AGBL1: variants seen among roughly 807,000 people sequenced by gnomAD.
AGBL1 encodes the protein cytosolic carboxypeptidase 4.
A neutral mutation model predicts 118.9 loss-of-function variants in AGBL1; 130 were observed. The ratio of observed to expected loss-of-function variants is 1.09; its 90% confidence interval spans 0.95 to 1.26. The LOEUF is 1.26. Among genes scored for constraint, AGBL1 ranks in the 50% most tolerant of loss-of-function variants. AGBL1 has a pLI of 0.00. For missense variants in AGBL1, 1,584 were observed against 1,298.1 expected (o/e 1.22, Z -3.38); for synonymous variants, 555 against 478.9 (o/e 1.16, Z -2.08).
intron 5 of AGBL1, among the ~76,000 whole-genome samples, chr15:86,200,285 G>A (rs2141853378): frequency 6.6e-6 from 1 of 152,242 alleles, no homozygotes; most frequent in East Asian, 1.9e-4. Flanking sequence ...TTAAATTGAT[G>A]GATCAGAGAC....
intron 23 of AGBL1, among the ~76,000 whole-genome samples, chr15:86,922,420 A>G (rs1325497797): frequency 6.6e-6 from 1 of 152,168 alleles, no homozygotes; most frequent in African/African-American, 2.4e-5. Context: ...CCTCCCAAGT[A>G]GGTGGGATTA....
intron 18 of AGBL1, among the ~76,000 whole-genome samples, chr15:86,465,951 T>C (rs938607931): frequency 6.6e-6 from 1 of 152,182 alleles, no homozygotes; most frequent in African/African-American, 2.4e-5. Flanking sequence ...CTTTTGAAAA[T>C]TGCTAATAAA....
intron 22 of AGBL1, among the ~76,000 whole-genome samples, chr15:86,859,599 T>C (rs1017977351): frequency 2.0e-5 from 3 of 152,202 alleles, no homozygotes; most frequent in African/African-American, 7.2e-5. Flanking sequence ...GGCATTCTGC[T>C]ATCTGGACAA....
At chr15:86,176,427 G>A (rs2077482588) in intron 5 of AGBL1, among the ~76,000 whole-genome samples, 1 of 152,074 alleles carries the variant, frequency 6.6e-6, no homozygotes, top group Non-Finnish European at 1.5e-5. Flanking sequence ...GCTGTCAGTG[G>A]CAGCAGCCCC....
chr15:86,618,203 G>C (rs970548778), intron 21 of AGBL1, among the ~76,000 whole-genome samples: 12 of 152,090 alleles, frequency 7.9e-5, no homozygotes, highest in African/African-American at 2.9e-4. Context: ...TAAAGAAACA[G>C]GAGGCAAAAA....
rs571444360 is a variant in AGBL1, at chr15:86,662,480, A to T, written c.2995-11793A>T. Among the ~76,000 whole-genome samples the T allele has an allele frequency of 6.6e-5, 10 of 152,340 alleles. 1 individual carries two copies. In the South Asian group the frequency reaches 2.1e-3, roughly 32 times the overall value. On this transcript the variant is annotated intron_variant, in intron 21 of 22. Coordinates refer to ENST00000614907, the MANE Select transcript of AGBL1 (RefSeq NM_001386094.1). ...GGATTTAGATCCCAGAGAGCTGACT[A>T]CCAAAATACTCCCTTTATGCTACTT...
rs151159656 is a variant in AGBL1 at position 86,627,920 on chromosome 15, C to T, written c.2995-46353C>T. On this transcript the variant is annotated intron_variant, in intron 21 of 22. Coordinates refer to ENST00000614907, the MANE Select transcript of AGBL1 (RefSeq NM_001386094.1). The stretch of plus-strand genomic sequence containing the variant: ...TGTGTATTTGTAGCCTCCAACACAG[C>T]GTCCTGCCCATCAAAGGCGCTCAAT... Among the ~76,000 whole-genome samples the T allele has an allele frequency of 1.7e-3, 260 of 152,276 alleles. 4 individuals are homozygous for T. In the East Asian group the frequency reaches 0.02, roughly 12 times the overall value.
intron 18 of AGBL1, among the ~76,000 whole-genome samples, chr15:86,493,123 G>A (rs889510248): frequency 6.6e-6 from 1 of 152,144 alleles, no homozygotes; most frequent in Admixed American, 6.5e-5. Context: ...GAACCTGGAA[G>A]GGGGAGGTTG....
At chr15:86,946,889 A>G (rs1213078921) in intron 23 of AGBL1, among the ~76,000 whole-genome samples, 1 of 151,322 alleles carries the variant, frequency 6.6e-6, no homozygotes, top group Admixed American at 6.6e-5. Context: ...AAAAAGAAAT[A>G]CTACAGGGAG....
intron 1 of AGBL1, among the ~76,000 whole-genome samples, chr15:86,094,054 T>C (rs1471113424): frequency 2.0e-5 from 3 of 152,052 alleles, no homozygotes; most frequent in Non-Finnish European, 4.4e-5. Context: ...TGTTATACTC[T>C]TTAAAATAAT....
At chr15:86,827,434 T>TAC (rs1567194766) in intron 22 of AGBL1, among the ~76,000 whole-genome samples, 2 of 10,086 alleles carry the variant, frequency 2.0e-4, no homozygotes, top group African/African-American at 1.2e-3. Flanking sequence ...TATATACACA[T>TAC]ATATATATGT....
intron 18 of AGBL1, among the ~76,000 whole-genome samples, chr15:86,430,721 G>A (rs1473690839): frequency 6.6e-6 from 1 of 152,144 alleles, no homozygotes; most frequent in Non-Finnish European, 1.5e-5. Context: ...ACTTTGCTCT[G>A]AACAGTCCAC....
At chr15:86,994,909 C>G (rs926194720) in intron 24 of AGBL1, among the ~76,000 whole-genome samples, 11 of 152,098 alleles carry the variant, frequency 7.2e-5, no homozygotes, top group Non-Finnish European at 1.5e-4. Context: ...TTGACCCATA[C>G]AGTAAAATAT....
chr15:86,140,495 A>G (rs1299336467), intron 1 of AGBL1, among the ~76,000 whole-genome samples: 4 of 152,184 alleles, frequency 2.6e-5, no homozygotes, highest in African/African-American at 9.7e-5. Context: ...CCCTTGTGCC[A>G]GGTGCTGGAA....
chr15:87,028,806 A>G, intron 24 of AGBL1: 1 of 1,602,770 alleles, frequency 6.2e-7, no homozygotes, highest in Non-Finnish European at 8.5e-7. Context: ...TAATTAATAT[A>G]TTTCTTATTC....
intron 4 of AGBL1, 117 bp downstream of exon 4, chr15:86,154,678 C>G: frequency 8.0e-7 from 1 of 1,248,600 alleles, no homozygotes; most frequent in Non-Finnish European, 1.1e-6. Context: ...ACATGGTGGT[C>G]CCAGCCAGAT....
Position 86,326,832 on chromosome 15 carries a change from C to G in AGBL1, c.2374+31424C>G, listed in dbSNP as rs78401631. On this transcript the variant is annotated intron_variant, in intron 17 of 22. Transcript: ENST00000614907. Reference sequence around the variant, plus strand: ...CAACTGATGAAGTATCTGAAAGAAGCTAGAAGGGGGTCAGAATAGATTAGT... The same window carrying G: ...CAACTGATGAAGTATCTGAAAGAAGGTAGAAGGGGGTCAGAATAGATTAGT... Among the ~76,000 whole-genome samples the G allele has an allele frequency of 4.6e-5, 7 of 152,154 alleles. No homozygotes were observed. In the East Asian group the frequency reaches 1.3e-3, roughly 29 times the overall value.
At chr15:86,502,470 T>C (rs1329220439) in intron 18 of AGBL1, among the ~76,000 whole-genome samples, 2 of 151,496 alleles carry the variant, frequency 1.3e-5, no homozygotes, top group African/African-American at 2.4e-5. Context: ...CAATACAATG[T>C]TGAATAGATG....
At chr15:86,282,673 G>A (rs147810825) in intron 16 of AGBL1, among the ~76,000 whole-genome samples, 40 of 152,246 alleles carry the variant, frequency 2.6e-4, no homozygotes, top group Non-Finnish European at 4.9e-4. Context: ...AGTACATTCT[G>A]TAATGCTAAC....
Sources: allele counts gnomAD v4.1 joint callset (sites outside exome capture counted in the v4.1 genomes callset), GRCh38; gene constraint gnomAD v4.1.1; transcripts MANE v1.5; gene names NCBI Gene and HGNC (gene_info 2026-07-23, HGNC 2026-07-21).